The following RACK1 variants were observed in gnomAD, a reference collection of about 807,000 sequenced individuals.
RACK1 encodes the protein receptor for activated C kinase 1.
A neutral mutation model predicts 42.2 loss-of-function variants in RACK1; 3 were observed. The observed-to-expected ratio is 0.07, with a 90% CI of 0.03 to 0.18. The LOEUF is 0.18. Ranked by LOEUF, RACK1 falls within the 10% of genes least tolerant of loss-of-function variation. The pLI, the probability that RACK1 is intolerant of heterozygous loss-of-function variation, is 1.00. For missense variants in RACK1, 146 were observed against 403.2 expected (o/e 0.36, Z 5.46); for synonymous variants, 181 against 154.8 (o/e 1.17, Z -1.25).
intron 7 of RACK1, 88 bp downstream of exon 7, chr5:181,237,521 T>C: frequency 1.3e-6 from 1 of 797,430 alleles, no homozygotes; most frequent in Non-Finnish European, 2.2e-6. Context: ...GACACTGCTC[T>C]TGTGTCTGAC....
intron 6 of RACK1, 34 bp downstream of exon 6, chr5:181,238,065 G>A (rs2770997): frequency 1.2e-6 from 2 of 1,611,322 alleles, no homozygotes; most frequent in Non-Finnish European, 1.7e-6. Flanking sequence ...TCAGAGTGCA[G>A]CCAGGTACCC....
chr5:181,242,977 G>A (rs1375765670), intron 1 of RACK1: 10 of 340,226 alleles, frequency 2.9e-5, no homozygotes, highest in Non-Finnish European at 5.2e-5. Context: ...GTTTGTGGCT[G>A]TAGAGTAGCT....
intron 1 of RACK1, chr5:181,242,567 T>G: frequency 3.2e-6 from 2 of 625,772 alleles, no homozygotes. Context: ...GATAACTTTT[T>G]TTTTTCTTGA....
chr5:181,241,547 C>T lies in RACK1; in HGVS notation c.374G>A (p.Arg125Gln), dbSNP rs1340622639. ...SDNRQIVSGS[R>Q]DKTIKLWNTL... ...ATTCCATAGCTTGATGGTTTTATCTCGAGATCCAGAGACAATCTGCCGGTT... is the reference window on the plus strand; with the variant it reads ...ATTCCATAGCTTGATGGTTTTATCTTGAGATCCAGAGACAATCTGCCGGTT... Residue 125 changes from arginine (R) to glutamine (Q), a missense_variant, in exon 3 of 8, where the codon CGA (arginine) becomes CAA (glutamine). Coordinates refer to ENST00000512805, the MANE Select transcript of RACK1 (RefSeq NM_006098.5). The T allele has an allele frequency of 3.7e-6, 6 of 1,613,744 alleles. No individual in the cohort carries two copies. Among genetic ancestry groups the T allele is most frequent in the East Asian group, 2.2e-5 (1 of 44,890 alleles).
chr5:181,243,797 T>C lies in RACK1; in HGVS notation c.4A>G (p.Thr2Ala). ...GTGCCACGAAGGGTCATCTGCTCAG[T>C]CATGGCGGCGGCGAGAGCGTGTGTC... Reference protein sequence around the residue: MTEQMTLRGTLK... With the variant: MAEQMTLRGTLK... The change falls in exon 1 of 8, where the codon ACT becomes GCT. Residue 2 changes from threonine to alanine, a missense_variant. Physicochemically the swap from Thr to Ala is moderately conservative, Grantham distance 58. Coordinates refer to ENST00000512805, the MANE Select transcript of RACK1 (RefSeq NM_006098.5). The C allele has an allele frequency of 6.2e-7, 1 of 1,603,242 alleles. No individual in the cohort carries two copies.
intron 6 of RACK1, 26 bp from the exon 7 acceptor site, chr5:181,237,745 T>G: frequency 3.4e-6 from 4 of 1,193,626 alleles, no homozygotes; most frequent in Non-Finnish European, 4.9e-6. Flanking sequence ...AAAGCAACCT[T>G]AAGACTTACC....
In RACK1 at chr5:181,236,929, T is replaced by A; in HGVS notation, c.*48A>T. On this transcript the variant is annotated 3_prime_UTR_variant, in exon 8 of 8. Transcript: ENST00000512805. ...CATATAAGAAAAAAAAACCTAAAAG[T>A]CAGAAAAGCCAGTTTTTTTTTTATT... 1 of 1,553,672 alleles carries A rather than the reference T, an allele frequency of 6.4e-7. No individual in the cohort carries two copies. Among genetic ancestry groups the A allele is most frequent in the Non-Finnish European group, 8.6e-7 (1 of 1,158,740 alleles).
At chr5:181,241,710 G>T (rs1319740681) in intron 2 of RACK1, 71 bp from the exon 3 acceptor site, 9 of 1,529,720 alleles carry the variant, frequency 5.9e-6, no homozygotes, top group Non-Finnish European at 8.1e-6. Context: ...TCATTTCCTG[G>T]GCTTTGTCTC....
intron 3 of RACK1, chr5:181,240,349 T>C: frequency 6.5e-6 from 1 of 154,050 alleles, no homozygotes. Flanking sequence ...AATGAGACTG[T>C]CTCAAAACAA....
rs560207411 is a variant in RACK1 at position 181,241,682 on chromosome 5, C to G, written c.282-43G>C. On this transcript the variant is annotated intron_variant, in intron 2 of 7. Transcript: ENST00000512805. The stretch of plus-strand genomic sequence containing the variant: ...GTCATTCTCAGACTTAGCAAACACT[C>G]TCATTCAACGGTCAGACTCATTTCC... The G allele has an allele frequency of 6.3e-5, 101 of 1,602,164 alleles. No individual in the cohort carries two copies. The Middle Eastern group carries it at 6.6e-4, about 11-fold the overall frequency.
intron 1 of RACK1, chr5:181,242,703 C>T: frequency 5.6e-6 from 2 of 357,442 alleles, no homozygotes; most frequent in South Asian, 2.1e-5. Flanking sequence ...GATTACTTGG[C>T]CAGCTGGCAC....
rs749389739 is a variant in RACK1, at chr5:181,243,396, C to A, written c.109+296G>T. ...CACCGCCCCGCCCGGCCCGTAGGCC[C>A]CCGGCCACACTACGAAGGAGAAGGC... On this transcript the variant is annotated intron_variant, in intron 1 of 7. Coordinates refer to ENST00000512805, the MANE Select transcript of RACK1 (RefSeq NM_006098.5). The A allele has an allele frequency of 2.0e-4, 286 of 1,437,308 alleles. 2 individuals carry two copies. The South Asian group carries it at 2.9e-3, about 15-fold the overall frequency. The allele number at this position is 1,437,308 out of a possible 1,614,324, so 89.0% of individuals were successfully genotyped here.
rs138107666 is a variant in RACK1, at chr5:181,237,660, G to A, written c.837C>T (p.Ser279=). The A allele has an allele frequency of 7.4e-6, 12 of 1,612,982 alleles. No homozygotes were observed. In the African/African-American group the frequency reaches 1.1e-4, roughly 14 times the overall value. ...AGGTGCACTGGGGTGGTTCTGCCTT[G>A]CTGCTGGTACTGATAACTTCTTGCT... is the stretch of plus-strand genomic sequence containing the variant. ...ELKQEVISTS[S]KAEPPQCTSL... is the part of the protein sequence containing the mutation. The change falls in exon 7 of 8, where the codon AGC becomes AGT. Residue 279 remains serine (S), a synonymous_variant. Transcript: ENST00000512805.
chr5:181,238,730 A>T, intron 5 of RACK1: 1 of 369,812 alleles, frequency 2.7e-6, no homozygotes, highest in Non-Finnish European at 5.2e-6. Flanking sequence ...TGAACCCGGG[A>T]GATGGTTGCA....
At position 181,243,652 on chromosome 5, in the gene RACK1, C is replaced by T. The variant is rs535004360; in HGVS notation, c.109+40G>A. On this transcript the variant is annotated intron_variant, in intron 1 of 7. Transcript: ENST00000512805. ...CTACACGACACGCGGAATCCCCCAG[C>T]CCTGCAATCTCGGGTCCTGAAATCT... 5.5e-5 allele frequency: 86 copies of T among 1,555,766 alleles called. No homozygotes were observed. In the South Asian group the frequency reaches 9.7e-4, roughly 18 times the overall value.
In RACK1 at chr5:181,243,678, A is replaced by G; in HGVS notation, c.109+14T>C. ...CCTGCAATCTCGGGTCCTGAAATCT[A>G]CCTTAGTCCGTACCTCGAGAGGCGG... is the stretch of plus-strand genomic sequence containing the variant. On this transcript the variant is annotated intron_variant, in intron 1 of 7. Transcript: ENST00000512805. The G allele has an allele frequency of 6.3e-7, 1 of 1,583,480 alleles. No homozygotes were observed. Among genetic ancestry groups the G allele is most frequent in the Non-Finnish European group, 8.6e-7 (1 of 1,164,456 alleles).
chr5:181,237,476 C>G, intron 7 of RACK1, 133 bp downstream of exon 7: 1 of 682,616 alleles, frequency 1.5e-6, no homozygotes. Flanking sequence ...AGGGCATCCT[C>G]ATCAACCTGG....
In RACK1 at chr5:181,236,950, T is replaced by C. The variant is rs1393639266; in HGVS notation, c.*27A>G. ...AAAGTCAGAAAAGCCAGTTTTTTTT[T>C]TATTTGTAAAGCTCTGCCATAAACT... On this transcript the variant is annotated 3_prime_UTR_variant, in exon 8 of 8. Transcript: ENST00000512805. The C allele has an allele frequency of 1.2e-5, 19 of 1,566,830 alleles. No individual in the cohort carries two copies. In the Admixed American group the frequency reaches 4.1e-4, roughly 34 times the overall value.
chr5:181,241,426 C>CAAAAAAAAAAAAAAAAAAAAAAAAAAAA lies in RACK1; in HGVS notation c.429+65_429+66insTTTTTTTTTTTTTTTTTTTTTTTTTTTT, dbSNP rs57063983. ...GCTTGGGCAAGAGTGAGACTGTCGCCAAAAAAAAAAAAAAAAAGCAAAGTT... is the reference window on the plus strand; with the variant it reads ...GCTTGGGCAAGAGTGAGACTGTCGCCAAAAAAAAAAAAAAAAAAAAAAAAAAAAAAAAAAAAAAAAAAAAAGCAAAGTT... On this transcript the variant is annotated intron_variant, in intron 3 of 7. Coordinates refer to ENST00000512805, the MANE Select transcript of RACK1 (RefSeq NM_006098.5). 5.6e-6 allele frequency: 6 copies of CAAAAAAAAAAAAAAAAAAAAAAAAAAAA among 1,074,542 alleles called. No homozygotes were observed. The African/African-American group carries it at 1.1e-4, about 20-fold the overall frequency. 66.6% of individuals were successfully genotyped at this position (1,074,542 alleles called of 1,614,324 possible).
Sources: allele counts gnomAD v4.1 joint callset, GRCh38; gene constraint gnomAD v4.1.1; transcripts MANE v1.5; gene names NCBI Gene and HGNC (gene_info 2026-07-23, HGNC 2026-07-21).